VEPH1: variants seen among roughly 807,000 people sequenced by gnomAD.
The protein encoded by VEPH1 is ventricular zone-expressed PH domain-containing protein homolog 1.
Under a neutral mutation model 85.2 loss-of-function variants are expected in VEPH1, and 80 were observed. The observed-to-expected ratio is 0.94, with a 90% CI of 0.78 to 1.13. The LOEUF (loss-of-function observed/expected upper bound fraction) is 1.13, where lower values mean the gene tolerates loss of function less well. Ranked by LOEUF, VEPH1 falls within the 50% of genes most tolerant of loss-of-function variation. VEPH1 has a pLI of 0.00. For missense variants in VEPH1, 955 were observed against 980.5 expected, an observed-to-expected ratio of 0.97 and a Z score of 0.35; for synonymous variants, 297 against 348.0, an observed-to-expected ratio of 0.85 and a Z score of 1.63.
intron 6 of VEPH1, among the ~76,000 whole-genome samples, chr3:157,412,398 C>T (rs6769175): frequency 0.044 from 6,736 of 152,162 alleles, 425 homozygotes; most frequent in African/African-American, 0.14. Context: ...CATTACTATA[C>T]ATTAATGAAT....
chr3:157,451,681 T>C (rs1734979744), intron 4 of VEPH1, among the ~76,000 whole-genome samples: 2 of 152,112 alleles, frequency 1.3e-5, no homozygotes, highest in Non-Finnish European at 2.9e-5. Flanking sequence ...TTGTTAAAAA[T>C]ATGATCAAGG....
intron 7 of VEPH1, among the ~76,000 whole-genome samples, chr3:157,371,046 C>T (rs996495004): frequency 1.3e-5 from 2 of 152,166 alleles, no homozygotes. Flanking sequence ...TGGTAAAACC[C>T]TGAGTGGCTG....
At chr3:157,389,562 G>A (rs1191073351) in intron 6 of VEPH1, among the ~76,000 whole-genome samples, 1 of 151,468 alleles carries the variant, frequency 6.6e-6, no homozygotes, top group Non-Finnish European at 1.5e-5. Flanking sequence ...TTAGCAAGTA[G>A]GTAAATTTGA....
chr3:157,471,940 A>G (rs1051713199), intron 2 of VEPH1, among the ~76,000 whole-genome samples: 1 of 151,938 alleles, frequency 6.6e-6, no homozygotes, highest in Non-Finnish European at 1.5e-5. Flanking sequence ...CATTTTTTTG[A>G]AAGGTAATAC....
At chr3:157,427,570 C>G (rs966867220) in intron 5 of VEPH1, among the ~76,000 whole-genome samples, 1 of 152,226 alleles carries the variant, frequency 6.6e-6, no homozygotes, top group Non-Finnish European at 1.5e-5. Context: ...ATTCTCCCAC[C>G]TCAGCCTCCT....
chr3:157,459,116 A>C (rs1735615391), intron 4 of VEPH1, among the ~76,000 whole-genome samples: 1 of 152,196 alleles, frequency 6.6e-6, no homozygotes, highest in African/African-American at 2.4e-5. Flanking sequence ...TTACTGGGCT[A>C]AGGACTTGGT....
chr3:157,295,293 T>C (rs1717983124), intron 11 of VEPH1, among the ~76,000 whole-genome samples: 1 of 152,108 alleles, frequency 6.6e-6, no homozygotes, highest in Admixed American at 6.5e-5. Context: ...TCAATTTCAC[T>C]AGGTTCTGCC....
At chr3:157,393,987 C>T (rs1470919578) in intron 6 of VEPH1, among the ~76,000 whole-genome samples, 2 of 152,198 alleles carry the variant, frequency 1.3e-5, no homozygotes, top group Non-Finnish European at 2.9e-5. Context: ...AATCCAGAAC[C>T]ACAACTGAGA....
chr3:157,285,983 C>G (rs1406194272), intron 12 of VEPH1, among the ~76,000 whole-genome samples: 1 of 152,170 alleles, frequency 6.6e-6, no homozygotes, highest in African/African-American at 2.4e-5. Flanking sequence ...ATATGTTTAG[C>G]ACAGGGCATG....
At chr3:157,423,389 A>G (rs1361551179) in intron 5 of VEPH1, among the ~76,000 whole-genome samples, 1 of 152,238 alleles carries the variant, frequency 6.6e-6, no homozygotes, top group East Asian at 1.9e-4. Flanking sequence ...GGGTATTTGT[A>G]AAAAGACACA....
chr3:157,364,739 A>G (rs1726444036), intron 7 of VEPH1, among the ~76,000 whole-genome samples: 1 of 152,222 alleles, frequency 6.6e-6, no homozygotes, highest in African/African-American at 2.4e-5. Context: ...ACTTTGTATT[A>G]AAAATGCTTT....
At chr3:157,464,784 A>C (rs1176685992) in intron 3 of VEPH1, among the ~76,000 whole-genome samples, 1 of 152,210 alleles carries the variant, frequency 6.6e-6, no homozygotes, top group Non-Finnish European at 1.5e-5. Context: ...AGGTAATAGC[A>C]ACTAAAAAGC....
At chr3:157,462,887 A>C (rs1736008327) in intron 3 of VEPH1, among the ~76,000 whole-genome samples, 1 of 152,214 alleles carries the variant, frequency 6.6e-6, no homozygotes. Flanking sequence ...TCAAGGAAGG[A>C]CACGTTACCA....
At chr3:157,342,356 A>G (rs1489316501) in intron 9 of VEPH1, among the ~76,000 whole-genome samples, 1 of 152,202 alleles carries the variant, frequency 6.6e-6, no homozygotes, top group Non-Finnish European at 1.5e-5. Context: ...GGAAAACAAA[A>G]AAAAGGCAGG....
At chr3:157,478,199 G>T (rs917631210) in intron 2 of VEPH1, among the ~76,000 whole-genome samples, 1 of 152,116 alleles carries the variant, frequency 6.6e-6, no homozygotes, top group Admixed American at 6.6e-5. Flanking sequence ...ATGAAGGCCT[G>T]GTCCCTTGTC....
intron 2 of VEPH1, among the ~76,000 whole-genome samples, chr3:157,490,230 A>G (rs1286138445): frequency 6.6e-6 from 1 of 151,976 alleles, no homozygotes; most frequent in Non-Finnish European, 1.5e-5. Context: ...TAAAGAACAG[A>G]AAAAAACAAA....
rs545064944 is a variant in VEPH1, at chr3:157,269,365, G to A, written c.2129-3703C>T. On this transcript the variant is annotated intron_variant, in intron 12 of 13. Transcript: ENST00000362010. The stretch of plus-strand genomic sequence containing the variant: ...AAGGACTTCAGAGACAAGCTGGGAA[G>A]CAAAGACTTTTCACCGTAGCCCAGT... 2.0e-5 allele frequency among the ~76,000 whole-genome samples: 3 copies of A among 152,262 alleles called. No homozygotes were observed. In the South Asian group the frequency reaches 6.2e-4, roughly 32 times the overall value.
At chr3:157,286,407 C>T in intron 12 of VEPH1, 150 bp downstream of exon 12, 4 of 696,920 alleles carry the variant, frequency 5.7e-6, no homozygotes, top group South Asian at 5.3e-5. Flanking sequence ...GGTGAGACGC[C>T]TTTCTCAGCA....
chr3:157,281,444 A>C (rs1716106263), intron 12 of VEPH1, among the ~76,000 whole-genome samples: 1 of 152,204 alleles, frequency 6.6e-6, no homozygotes, highest in African/African-American at 2.4e-5. Context: ...GTGCTCTACC[A>C]ACACTTAGCA....
Sources: allele counts gnomAD v4.1 joint callset (sites outside exome capture counted in the v4.1 genomes callset), GRCh38; gene constraint gnomAD v4.1.1; transcripts MANE v1.5; gene names NCBI Gene and HGNC (gene_info 2026-07-23, HGNC 2026-07-21).